KIRREL3: variants seen among roughly 807,000 people sequenced by gnomAD.
The protein encoded by KIRREL3 is kirre like nephrin family adhesion molecule 3, also known as kin of IRRE-like protein 3.
KIRREL3 carries 36 observed loss-of-function variants against 89.7 expected under a neutral mutation model. The observed-to-expected ratio is 0.40, with a 90% CI of 0.31 to 0.53. The LOEUF is 0.53. Among genes scored for constraint, KIRREL3 ranks in the 20% least tolerant of loss-of-function variants. The pLI is 0.49. For synonymous variants in KIRREL3, 445 were observed against 441.4 expected, an observed-to-expected ratio of 1.01 and a Z score of -0.10; for missense variants, 864 against 1,056.6, an observed-to-expected ratio of 0.82 and a Z score of 2.53.
At chr11:126,436,317 T>G (rs1244243425) in intron 12 of KIRREL3, among the ~76,000 whole-genome samples, 1 of 152,240 alleles carries the variant, frequency 6.6e-6, no homozygotes, top group Non-Finnish European at 1.5e-5. Context: ...CTGGGTGCCC[T>G]CTGTGGGACT....
At position 126,440,699 on chromosome 11, in the gene KIRREL3, A is replaced by G. The variant is rs970768328; in HGVS notation, c.1253-150T>C. The G allele has an allele frequency of 5.6e-6, 4 of 716,298 alleles. No individual in the cohort carries two copies. The Admixed American group carries it at 6.5e-5, about 12-fold the overall frequency. 44.4% of individuals were successfully genotyped at this position (716,298 alleles called of 1,614,324 possible). A position where few individuals can be genotyped will look rare whatever the true frequency, so the allele number is the denominator to read the frequency against. On this transcript the variant is annotated intron_variant, in intron 10 of 16. Transcript: ENST00000525144. ...ATGTGCAAGGTAAAGTGCAAGGTAGAGGACTCAGAGATAAATTAGGCATTC... is the reference window on the plus strand; with the variant it reads ...ATGTGCAAGGTAAAGTGCAAGGTAGGGGACTCAGAGATAAATTAGGCATTC...
rs756545626 is a variant in KIRREL3 at position 126,821,351 on chromosome 11, A to ATATATATATGTG, written c.55+179103_55+179104insCACATATATATA. Reference sequence around the variant, plus strand: ...ACAGTATATATATATATATATATATATGTAACTTCCAACCAACATCCCTTC... The same window carrying ATATATATATGTG: ...ACAGTATATATATATATATATATATATATATATATGTGTGTAACTTCCAACCAACATCCCTTC... On this transcript the variant is annotated intron_variant, in intron 1 of 16. Transcript: ENST00000525144. Among the ~76,000 whole-genome samples the ATATATATATGTG allele has an allele frequency of 9.4e-4, 99 of 105,220 alleles. 7 individuals are homozygous for ATATATATATGTG. The highest frequency in any genetic ancestry group is 4.4e-3 in the South Asian group (13 of 2,966). The allele number at this position is 105,220 out of a possible 152,430, so 69.0% of individuals were successfully genotyped here.
At chr11:126,832,789 T>A (rs938307003) in intron 1 of KIRREL3, among the ~76,000 whole-genome samples, 2 of 152,170 alleles carry the variant, frequency 1.3e-5, no homozygotes, top group Non-Finnish European at 2.9e-5. Context: ...CTACTCCTTT[T>A]TGGTCTGGAC....
In KIRREL3 at chr11:126,946,101, G is replaced by T. The variant is rs1488675892; in HGVS notation, c.55+54354C>A. On this transcript the variant is annotated intron_variant, in intron 1 of 16. Coordinates refer to ENST00000525144, the MANE Select transcript of KIRREL3 (RefSeq NM_032531.4). The surrounding 1 kb of genome is among the most constrained non-coding windows in gnomAD (Gnocchi z 4.1). ...GTAGTCACAAATCCTGACCAGAATG[G>T]CTGAGATTTCTGAGCTGGAACCCAG... Among the ~76,000 whole-genome samples, 1 of 152,172 alleles carries T rather than the reference G, an allele frequency of 6.6e-6. No homozygotes were observed. The highest frequency in any genetic ancestry group is 2.4e-5 in the African/African-American group (1 of 41,444).
At chr11:126,450,791 A>G (rs1046154531) in intron 7 of KIRREL3, among the ~76,000 whole-genome samples, 7 of 142,974 alleles carry the variant, frequency 4.9e-5, no homozygotes, top group African/African-American at 1.9e-4. Flanking sequence ...GCATCTGTGC[A>G]TGTGTGTGTC....
chr11:126,440,525 T>C lies in KIRREL3; in HGVS notation c.1277A>G (p.Gln426Arg). 6.2e-7 allele frequency: 1 copy of C among 1,601,738 alleles called. No homozygotes were observed. Among genetic ancestry groups the C allele is most frequent in the Non-Finnish European group, 8.5e-7 (1 of 1,174,588 alleles). The change falls in exon 11 of 17, where the codon CAG becomes CGG. Residue 426 changes from glutamine to arginine, a missense_variant. Gln to Arg is a conservative substitution (Grantham distance 43). Coordinates refer to ENST00000525144, the MANE Select transcript of KIRREL3 (RefSeq NM_032531.4). ...VNGPPIISST[Q>R]TQHALHGEKG... ...CTCGCCGTGGAGGGCGTGCTGGGTC[T>C]GGGTGCTGGAGATGATGGGGGGTCC...
chr11:126,499,428 C>T (rs1188133868), intron 4 of KIRREL3, among the ~76,000 whole-genome samples: 1 of 152,168 alleles, frequency 6.6e-6, no homozygotes, highest in Non-Finnish European at 1.5e-5. Context: ...GATTCACGCC[C>T]CATACCCTGC....
chr11:126,552,550 G>GTTTTTTTTTTTTTTTT (rs59392843), intron 2 of KIRREL3, among the ~76,000 whole-genome samples: 2 of 81,770 alleles, frequency 2.4e-5, no homozygotes, highest in African/African-American at 4.3e-5. Context: ...AGAGAGAAAA[G>GTTTTTTTTTTTTTTTT]TTTTTTTTTT....
At chr11:126,738,965 C>T (rs1002644527) in intron 1 of KIRREL3, among the ~76,000 whole-genome samples, 5 of 152,226 alleles carry the variant, frequency 3.3e-5, no homozygotes, top group Admixed American at 3.3e-4. Flanking sequence ...TGACTGCCTA[C>T]TGTGTTCCAG....
rs1258874188 is a variant in KIRREL3 at position 126,917,981 on chromosome 11, C to G, written c.55+82474G>C. Among the ~76,000 whole-genome samples the G allele has an allele frequency of 1.3e-5, 2 of 152,152 alleles. No individual in the cohort carries two copies. Among genetic ancestry groups the G allele is most frequent in the Non-Finnish European group, 2.9e-5 (2 of 68,034 alleles). On this transcript the variant is annotated intron_variant, in intron 1 of 16. Transcript: ENST00000525144. The surrounding 1 kb of genome is among the most constrained non-coding windows in gnomAD (Gnocchi z 5.0). Reference sequence around the variant, plus strand: ...AATTTAGATGCTGTGACTCATCTCTCCAAGCTGGGTTTCCATAAGACTCCA... The same window carrying G: ...AATTTAGATGCTGTGACTCATCTCTGCAAGCTGGGTTTCCATAAGACTCCA...
intron 1 of KIRREL3, among the ~76,000 whole-genome samples, chr11:126,857,512 T>A (rs1944558651): frequency 6.6e-6 from 1 of 152,210 alleles, no homozygotes; most frequent in South Asian, 2.1e-4. Context: ...CTGTTTGGCA[T>A]CATCCCTGTC....
intron 1 of KIRREL3, among the ~76,000 whole-genome samples, chr11:126,762,713 ATGT>A (rs918948233): frequency 2.6e-5 from 4 of 152,110 alleles, no homozygotes; most frequent in Non-Finnish European, 5.9e-5. Context: ...TCTGGTTTCA[ATGT>A]TGTTAAGTTG....
intron 1 of KIRREL3, among the ~76,000 whole-genome samples, chr11:126,760,102 T>C (rs574897870): frequency 1.3e-5 from 2 of 152,302 alleles, no homozygotes; most frequent in South Asian, 4.1e-4. Flanking sequence ...ATTCATTCAA[T>C]CACAAATATT....
intron 11 of KIRREL3, among the ~76,000 whole-genome samples, chr11:126,439,827 A>G (rs1351656344): frequency 6.8e-6 from 1 of 147,572 alleles, no homozygotes; most frequent in Non-Finnish European, 1.5e-5. Flanking sequence ...CAAAAAACAA[A>G]CACAAACAAA....
chr11:126,443,035 G>C lies in KIRREL3; in HGVS notation c.1252+1944C>G, dbSNP rs1482294188. On this transcript the variant is annotated intron_variant, in intron 10 of 16. Transcript: ENST00000525144. This position sits in a 1 kb window ranked among gnomAD's most constrained non-coding sequence, Gnocchi z 7.3. ...TGTCCCTCCCGGCCTGTGTTCCCCA[G>C]GGGGCATTCTCTCCTCAAGAAATCT... Among the ~76,000 whole-genome samples, 1 of 152,214 alleles carries C rather than the reference G, an allele frequency of 6.6e-6. No individual in the cohort carries two copies. The highest frequency in any genetic ancestry group is 1.5e-5 in the Non-Finnish European group (1 of 68,032).
chr11:126,971,730 G>A (rs995561978), intron 1 of KIRREL3, among the ~76,000 whole-genome samples: 5 of 152,152 alleles, frequency 3.3e-5, no homozygotes, highest in Admixed American at 1.3e-4. Context: ...CATCGAAGAC[G>A]GTCCTCTGAA....
chr11:126,947,156 G>C (rs1407191313), intron 1 of KIRREL3, among the ~76,000 whole-genome samples: 2 of 152,050 alleles, frequency 1.3e-5, no homozygotes, highest in African/African-American at 4.8e-5. Context: ...TCGTTTATGA[G>C]CCAACCATCT....
Position 126,724,798 on chromosome 11 carries a change from T to C in KIRREL3, c.56-161886A>G, listed in dbSNP as rs1307839530. Reference sequence around the variant, plus strand: ...GAGTCAGGATTATTAGACCTGCCTATGGGCCAAGGGTTCTTACTAATAGAT... The same window carrying C: ...GAGTCAGGATTATTAGACCTGCCTACGGGCCAAGGGTTCTTACTAATAGAT... On this transcript the variant is annotated intron_variant, in intron 1 of 16. Coordinates refer to ENST00000525144, the MANE Select transcript of KIRREL3 (RefSeq NM_032531.4). This position sits in a 1 kb window ranked among gnomAD's most constrained non-coding sequence, Gnocchi z 4.3. 6.6e-6 allele frequency among the ~76,000 whole-genome samples: 1 copy of C among 152,240 alleles called. No homozygotes were observed. The highest frequency in any genetic ancestry group is 1.5e-5 in the Non-Finnish European group (1 of 68,038).
chr11:126,656,082 T>C lies in KIRREL3; in HGVS notation c.56-93170A>G. On this transcript the variant is annotated intron_variant, in intron 1 of 16. Coordinates refer to ENST00000525144, the MANE Select transcript of KIRREL3 (RefSeq NM_032531.4). This position sits in a 1 kb window ranked among gnomAD's most constrained non-coding sequence, Gnocchi z 4.0. ...CTGTGGATTCACTAGATTCTGGGACTATACCTTATCTATGCTGTGCAAAGG... is the reference window on the plus strand; with the variant it reads ...CTGTGGATTCACTAGATTCTGGGACCATACCTTATCTATGCTGTGCAAAGG... The C allele has an allele frequency of 2.2e-6, 1 of 453,990 alleles. No individual in the cohort carries two copies. Among genetic ancestry groups the C allele is most frequent in the Non-Finnish European group, 4.4e-6 (1 of 225,680 alleles). The allele number at this position is 453,990 out of a possible 1,614,324, so 28.1% of individuals were successfully genotyped here.
Sources: gnomAD v4.1 joint callset for allele counts (sites outside exome capture counted in the v4.1 genomes callset) on GRCh38, gnomAD v4.1.1 for gene constraint, Gnocchi (gnomAD v3.1) non-coding constraint, MANE v1.5 for transcripts, NCBI Gene and HGNC (gene_info 2026-07-23, HGNC 2026-07-21) for gene names.